The following NTN4 variants were observed in gnomAD, a reference collection of about 807,000 sequenced individuals.
The protein encoded by NTN4 is netrin-4.
Under a neutral mutation model 73.6 loss-of-function variants are expected in NTN4, and 32 were observed. The observed-to-expected ratio is 0.44, with a 90% CI of 0.33 to 0.58. The LOEUF is 0.58. NTN4 is among the 20% of genes least tolerant of loss of function. The pLI is 0.04. For missense variants in NTN4, 654 were observed against 798.3 expected (o/e 0.82, Z 2.18); for synonymous variants, 258 against 287.5 (o/e 0.90, Z 1.04).
chr12:95,758,758 T>C (rs2078964506), intron 2 of NTN4, among the ~76,000 whole-genome samples: 1 of 152,090 alleles, frequency 6.6e-6, no homozygotes, highest in Admixed American at 6.5e-5. Flanking sequence ...AGAGATGGGA[T>C]CTCCCTATGT....
chr12:95,737,614 A>G (rs2078787779), intron 3 of NTN4, among the ~76,000 whole-genome samples: 1 of 152,162 alleles, frequency 6.6e-6, no homozygotes, highest in African/African-American at 2.4e-5. Flanking sequence ...TACACTTTAT[A>G]TCTGAAGGTC....
chr12:95,711,733 G>A (rs1272328998), intron 4 of NTN4, among the ~76,000 whole-genome samples: 1 of 152,134 alleles, frequency 6.6e-6, no homozygotes, highest in Non-Finnish European at 1.5e-5. Context: ...AGCATCAAGT[G>A]ACATGTCTCT....
chr12:95,709,050 C>T (rs145029981), intron 5 of NTN4, among the ~76,000 whole-genome samples: 237 of 152,220 alleles, frequency 1.6e-3, no homozygotes, highest in African/African-American at 5.4e-3. Context: ...ATTTTATCTG[C>T]CATTATTTAA....
intron 8 of NTN4, among the ~76,000 whole-genome samples, chr12:95,669,205 CTAAAA>C (rs2078207170): frequency 7.6e-6 from 1 of 131,354 alleles, no homozygotes; most frequent in Non-Finnish European, 1.6e-5. Flanking sequence ...GAGACTCTGT[CTAAAA>C]AAAAAAAAAA....
At chr12:95,665,540 A>G (rs2078172667) in intron 9 of NTN4, 2 of 252,912 alleles carry the variant, frequency 7.9e-6, no homozygotes, top group Admixed American at 5.4e-5. Context: ...TGCAACTGGC[A>G]CCTGGAACCA....
chr12:95,700,242 G>A (rs1037640480), intron 5 of NTN4, among the ~76,000 whole-genome samples: 1 of 151,818 alleles, frequency 6.6e-6, no homozygotes, highest in African/African-American at 2.4e-5. Flanking sequence ...GGGACTACAA[G>A]TGCATACCAT....
At chr12:95,788,568 G>T (rs961683195) in intron 1 of NTN4, among the ~76,000 whole-genome samples, 6 of 152,196 alleles carry the variant, frequency 3.9e-5, no homozygotes, top group African/African-American at 1.2e-4. Flanking sequence ...CTGGCTAATT[G>T]AATGTTTCTG....
intron 5 of NTN4, among the ~76,000 whole-genome samples, chr12:95,706,570 T>G (rs989844577): frequency 1.4e-4 from 22 of 152,354 alleles, no homozygotes; most frequent in African/African-American, 4.8e-4. Flanking sequence ...CTATACTAAT[T>G]GAATTATTGT....
chr12:95,711,064 T>C (rs1052353133), intron 4 of NTN4, among the ~76,000 whole-genome samples: 7 of 152,172 alleles, frequency 4.6e-5, no homozygotes, highest in African/African-American at 1.7e-4. Context: ...TAGTTAACAA[T>C]ACAAAAATCA....
intron 2 of NTN4, among the ~76,000 whole-genome samples, chr12:95,771,021 G>T (rs1383735824): frequency 9.9e-6 from 1 of 101,188 alleles, no homozygotes; most frequent in African/African-American, 4.1e-5. Flanking sequence ...ACAGAGTCTC[G>T]CTCTGTCGCC....
intron 5 of NTN4, among the ~76,000 whole-genome samples, chr12:95,696,306 T>C (rs1015344191): frequency 6.6e-6 from 1 of 152,188 alleles, no homozygotes; most frequent in Non-Finnish European, 1.5e-5. Context: ...AGAGACAATT[T>C]TGTTGTACAG....
At chr12:95,669,206 TAA>T (rs369624673) in intron 8 of NTN4, among the ~76,000 whole-genome samples, 10 of 125,956 alleles carry the variant, frequency 7.9e-5, no homozygotes, top group Non-Finnish European at 5.2e-5. Flanking sequence ...AGACTCTGTC[TAA>T]AAAAAAAAAA....
chr12:95,685,696 GACTA>G (rs2078355770), intron 5 of NTN4, among the ~76,000 whole-genome samples: 1 of 151,954 alleles, frequency 6.6e-6, no homozygotes, highest in Admixed American at 6.5e-5. Flanking sequence ...CTCCACTACT[GACTA>G]ACTGTGTGAC....
intron 7 of NTN4, among the ~76,000 whole-genome samples, chr12:95,681,252 T>C (rs1319323611): frequency 6.6e-6 from 1 of 150,778 alleles, no homozygotes. Flanking sequence ...ACTCAATATA[T>C]ATATAGGTAA....
chr12:95,713,541 T>G (rs1250896568), intron 3 of NTN4, among the ~76,000 whole-genome samples: 1 of 152,226 alleles, frequency 6.6e-6, no homozygotes, highest in African/African-American at 2.4e-5. Context: ...TTAAGTAATA[T>G]AGTTTCTTGG....
At chr12:95,736,929 T>G (rs1208962427) in intron 3 of NTN4, among the ~76,000 whole-genome samples, 1 of 152,220 alleles carries the variant, frequency 6.6e-6, no homozygotes, top group Non-Finnish European at 1.5e-5. Flanking sequence ...AGAATAGGGA[T>G]GTCTATCCTT....
rs184907262 is a variant in NTN4 at position 95,666,023 on chromosome 12, A to C, written c.1580-43T>G. On this transcript the variant is annotated intron_variant, in intron 8 of 9. Transcript: ENST00000343702. The stretch of plus-strand genomic sequence containing the variant: ...AAAATGCATAGAATTTCATATTATC[A>C]TTTGAAGTTTGAATAACACTCAAGT... The C allele has an allele frequency of 2.9e-4, 420 of 1,431,806 alleles. 2 individuals are homozygous for C. The Middle Eastern group carries it at 3.7e-3, about 13-fold the overall frequency. 88.7% of individuals were successfully genotyped at this position (1,431,806 alleles called of 1,614,324 possible). A position where few individuals can be genotyped will look rare whatever the true frequency, so the allele number is the denominator to read the frequency against.
At position 95,658,029 on chromosome 12, in the gene NTN4, A is replaced by AT. The variant is rs1186861250; in HGVS notation, c.*1056dup. 2 of 152,674 alleles carry AT rather than the reference A, an allele frequency of 1.3e-5. No individual in the cohort carries two copies. Among genetic ancestry groups the AT allele is most frequent in the Admixed American group, 6.5e-5 (1 of 15,286 alleles). 9.5% of individuals were successfully genotyped at this position (152,674 alleles called of 1,614,324 possible). On this transcript the variant is annotated 3_prime_UTR_variant, in exon 10 of 10. Transcript: ENST00000343702. ...AGATGAATAATAATGAAAAACTGTG[A>AT]TTTTTTGACTATCACATACATTGTG...
intron 5 of NTN4, 98 bp from the exon 6 acceptor site, chr12:95,683,809 C>G (rs2078339077): frequency 1.2e-6 from 1 of 802,872 alleles, no homozygotes; most frequent in Non-Finnish European, 2.0e-6. Flanking sequence ...CTTCACCACA[C>G]AGCATATTTC....
Sources: allele counts gnomAD v4.1 joint callset (sites outside exome capture counted in the v4.1 genomes callset), GRCh38; gene constraint gnomAD v4.1.1; transcripts MANE v1.5; gene names NCBI Gene and HGNC (gene_info 2026-07-23, HGNC 2026-07-21).